ATL1: variants seen among roughly 807,000 people sequenced by gnomAD.
ATL1 encodes atlastin GTPase 1.
ATL1 carries 31 observed loss-of-function variants against 75.5 expected under a neutral mutation model. That is an observed-to-expected ratio of 0.41 (90% CI 0.31 to 0.55). The LOEUF is 0.55. ATL1 is among the 20% of genes least tolerant of loss of function. The probability of loss-of-function intolerance (pLI) is 0.27; values close to 1 mark genes in which losing one functional copy is unlikely to be tolerated. For missense variants in ATL1, 405 were observed against 662.6 expected (o/e 0.61, Z 4.27); for synonymous variants, 226 against 233.3 (o/e 0.97, Z 0.28).
chr14:50,629,601 C>A lies in ATL1; in HGVS notation c.1552-394C>A, dbSNP rs375150354. ...CATCTCCCAAAAAAAAAAAAAAAAA[C>A]CCTACTTATATATACTTTATAACAT... On this transcript the variant is annotated intron_variant, in intron 12 of 13. Coordinates refer to ENST00000358385, the MANE Select transcript of ATL1 (RefSeq NM_015915.5). 1.4e-3 allele frequency among the ~76,000 whole-genome samples: 198 copies of A among 136,840 alleles called. 3 individuals are homozygous for A. The South Asian group carries it at 0.034, about 23-fold the overall frequency. The allele number at this position is 136,840 out of a possible 152,430, so 89.8% of individuals were successfully genotyped here.
At chr14:50,564,053 C>G (rs1282690062) in intron 1 of ATL1, among the ~76,000 whole-genome samples, 1 of 151,964 alleles carries the variant, frequency 6.6e-6, no homozygotes, top group African/African-American at 2.4e-5. Context: ...ACAAGCTTAT[C>G]TAGGATTAAG....
rs1424787680 is a variant in ATL1, at chr14:50,595,651, A to T, written c.630+19A>T. The T allele has an allele frequency of 1.9e-6, 3 of 1,611,684 alleles. No homozygotes were observed. The South Asian group carries it at 3.3e-5, about 18-fold the overall frequency. Reference sequence around the variant, plus strand: ...ATTTCAGGTGAGCGAGTGTTAAATGATGGTAAATTCTTACTAGATTTTCCT... The same window carrying T: ...ATTTCAGGTGAGCGAGTGTTAAATGTTGGTAAATTCTTACTAGATTTTCCT... On this transcript the variant is annotated intron_variant, in intron 6 of 13. Coordinates refer to ENST00000358385, the MANE Select transcript of ATL1 (RefSeq NM_015915.5).
intron 12 of ATL1, among the ~76,000 whole-genome samples, chr14:50,629,110 A>T (rs1252155233): frequency 6.6e-6 from 1 of 152,224 alleles, no homozygotes. Flanking sequence ...ATTATCTCAT[A>T]TTTACAACCT....
rs184554146 is a variant in ATL1 at position 50,565,988 on chromosome 14, T to G, written c.34+5689T>G. Among the ~76,000 whole-genome samples the G allele has an allele frequency of 2.6e-4, 40 of 152,112 alleles. 1 individual carries two copies. Among genetic ancestry groups the G allele is most frequent in the Admixed American group, 2.3e-3 (35 of 15,276 alleles). On this transcript the variant is annotated intron_variant, in intron 1 of 13. Transcript: ENST00000358385. ...TGCCTCTCCTTAAGGACAACCTGTT[T>G]TGTTTTGTTTTCTTTTGTTTTGTTT...
Position 50,629,999 on chromosome 14 carries a change from G to A in ATL1, c.1556G>A (p.Ser519Asn), listed in dbSNP as rs751861796. The change falls in exon 13 of 14, where the codon AGT becomes AAT. Residue 519 changes from serine to asparagine, a missense_variant. Around this residue, in one of 5 missense-constraint regions of ATL1, gnomAD observed 163 missense variants for 244.1 expected, o/e 0.67. Coordinates refer to ENST00000358385, the MANE Select transcript of ATL1 (RefSeq NM_015915.5). ...TTTAATCTGCCTTTGCCACAGGGAA[G>A]TACAAATGAGGTAAGTTAAATTTTT... ...QVAAALWDQG[S>N]TNEALYKLYS... 3.3e-5 allele frequency: 52 copies of A among 1,594,694 alleles called. No homozygotes were observed. Among genetic ancestry groups the A allele is most frequent in the Middle Eastern group, 1.7e-4 (1 of 6,038 alleles).
chr14:50,543,117 C>G (rs1487421931), intron 1 of ATL1, among the ~76,000 whole-genome samples: 1 of 152,232 alleles, frequency 6.6e-6, no homozygotes, highest in East Asian at 1.9e-4. Flanking sequence ...GTCAATCAGC[C>G]TCTTTACACA....
intron 13 of ATL1, chr14:50,631,119 G>T: frequency 3.7e-6 from 1 of 272,986 alleles, no homozygotes; most frequent in Non-Finnish European, 7.2e-6. Flanking sequence ...AATTAGCCAG[G>T]TGTGGTGGCA....
chr14:50,611,671 G>A (rs904217902), intron 6 of ATL1, among the ~76,000 whole-genome samples: 1 of 152,130 alleles, frequency 6.6e-6, no homozygotes, highest in African/African-American at 2.4e-5. Context: ...ATGACAATGT[G>A]CTTAATTTCA....
At chr14:50,613,718 C>A (rs2039388098) in intron 7 of ATL1, among the ~76,000 whole-genome samples, 1 of 152,124 alleles carries the variant, frequency 6.6e-6, no homozygotes, top group Non-Finnish European at 1.5e-5. Context: ...TGGTTCAATA[C>A]TGTACAAATT....
intron 10 of ATL1, among the ~76,000 whole-genome samples, chr14:50,622,638 C>G (rs1438455922): frequency 2.6e-5 from 4 of 151,760 alleles, no homozygotes; most frequent in Non-Finnish European, 2.9e-5. Flanking sequence ...TGCACTCCAG[C>G]CTGGGCAACA....
chr14:50,588,329 T>C (rs1727075834), intron 2 of ATL1, among the ~76,000 whole-genome samples: 2 of 152,216 alleles, frequency 1.3e-5, no homozygotes, highest in South Asian at 4.1e-4. Context: ...CTTTTAAAAA[T>C]AGGCACATAA....
intron 6 of ATL1, among the ~76,000 whole-genome samples, chr14:50,598,637 A>G (rs1196157994): frequency 6.6e-6 from 1 of 152,198 alleles, no homozygotes; most frequent in Non-Finnish European, 1.5e-5. Context: ...TGCTGGGATT[A>G]CAGGTGTGAG....
upstream of ATL1, among the ~76,000 whole-genome samples, chr14:50,556,595 C>G (rs1035064087): frequency 6.6e-6 from 1 of 152,096 alleles, no homozygotes; most frequent in African/African-American, 2.4e-5. Context: ...TTCATTGCCC[C>G]CAAAAGAAAC....
At chr14:50,558,783 A>G (rs1469083877), upstream of ATL1, among the ~76,000 whole-genome samples, 1 of 152,220 alleles carries the variant, frequency 6.6e-6, no homozygotes, top group East Asian at 1.9e-4. Flanking sequence ...CTTTTGTTCT[A>G]TGAACTTGGT....
At chr14:50,536,220 G>A (rs369185705) in intron 1 of ATL1, among the ~76,000 whole-genome samples, 6 of 152,154 alleles carry the variant, frequency 3.9e-5, no homozygotes, top group East Asian at 1.9e-4. Context: ...CAAGGTGGGC[G>A]GATCATCTGA....
At chr14:50,623,905 A>T (rs537777739) in intron 11 of ATL1, among the ~76,000 whole-genome samples, 129 of 152,066 alleles carry the variant, frequency 8.5e-4, no homozygotes, top group Non-Finnish European at 7.9e-4. Context: ...ACAAAAAAAA[A>T]TTAGCCAGGC....
chr14:50,593,944 A>T, intron 5 of ATL1, 48 bp downstream of exon 5: 1 of 1,330,454 alleles, frequency 7.5e-7, no homozygotes, highest in Non-Finnish European at 1.1e-6. Flanking sequence ...TCTTTGAAAC[A>T]TGTATAGCAG....
Position 50,622,015 on chromosome 14 carries a change from C to T in ATL1, c.1047+116C>T. 8 of 784,066 alleles carry T rather than the reference C, an allele frequency of 1.0e-5. No homozygotes were observed. In the South Asian group the frequency reaches 1.2e-4, roughly 12 times the overall value. The allele number at this position is 784,066 out of a possible 1,614,324, so 48.6% of individuals were successfully genotyped here. ...GAATAATTTATTGGAAGATTATTTG[C>T]CTAATAACTTTACCTATTTATGTGT... On this transcript the variant is annotated intron_variant, in intron 10 of 13. Coordinates refer to ENST00000358385, the MANE Select transcript of ATL1 (RefSeq NM_015915.5).
chr14:50,535,845 C>G (rs1346188469), intron 1 of ATL1, among the ~76,000 whole-genome samples: 1 of 152,150 alleles, frequency 6.6e-6, no homozygotes, highest in African/African-American at 2.4e-5. Flanking sequence ...TCTTGAATTC[C>G]CACGTGTTGT....
Sources: allele counts gnomAD v4.1 joint callset (sites outside exome capture counted in the v4.1 genomes callset), GRCh38; gene constraint gnomAD v4.1.1; regional missense constraint gnomAD v4.1.1; transcripts MANE v1.5; gene names NCBI Gene and HGNC (gene_info 2026-07-23, HGNC 2026-07-21).